PPFIA2: variants seen among roughly 807,000 people sequenced by gnomAD.
The protein encoded by PPFIA2 is liprin-alpha-2.
In PPFIA2, 46 loss-of-function variants were observed where a neutral mutation model predicts 175.5. That is an observed-to-expected ratio of 0.26 (90% CI 0.21 to 0.34). The LOEUF (loss-of-function observed/expected upper bound fraction) is 0.34. Ranked by LOEUF, PPFIA2 falls within the 10% of genes least tolerant of loss-of-function variation. The probability of loss-of-function intolerance (pLI) is 1.00; values close to 1 mark genes in which losing one functional copy is unlikely to be tolerated. For synonymous variants in PPFIA2, 568 were observed against 511.4 expected, an observed-to-expected ratio of 1.11 and a Z score of -1.49; for missense variants, 1,179 against 1,506.1, an observed-to-expected ratio of 0.78 and a Z score of 3.60.
At chr12:81,375,277 T>C (rs1021896141) in intron 10 of PPFIA2, among the ~76,000 whole-genome samples, 3 of 152,122 alleles carry the variant, frequency 2.0e-5, no homozygotes, top group Non-Finnish European at 4.4e-5. Context: ...AGACAATGAT[T>C]AAATGATTGG....
At chr12:81,550,037 A>G (rs1567287843) in intron 4 of PPFIA2, among the ~76,000 whole-genome samples, 1 of 152,052 alleles carries the variant, frequency 6.6e-6, no homozygotes, top group Non-Finnish European at 1.5e-5. Context: ...TAAATATCCT[A>G]TTACAAAAAC....
chr12:81,571,425 A>G (rs2153414111), intron 4 of PPFIA2, among the ~76,000 whole-genome samples: 1 of 152,226 alleles, frequency 6.6e-6, no homozygotes, highest in South Asian at 2.1e-4. Context: ...GCTACCAGCA[A>G]CGTAACCGAG....
intron 18 of PPFIA2, among the ~76,000 whole-genome samples, chr12:81,346,742 G>T (rs1225106701): frequency 6.6e-6 from 1 of 151,570 alleles, no homozygotes; most frequent in Non-Finnish European, 1.5e-5. Context: ...AATAATGCAA[G>T]AAATTTATGT....
intron 4 of PPFIA2, among the ~76,000 whole-genome samples, chr12:81,617,393 T>C (rs2061515566): frequency 6.6e-6 from 1 of 152,244 alleles, no homozygotes; most frequent in Non-Finnish European, 1.5e-5. Context: ...AGATCTTTTG[T>C]ATCCCTTTTA....
intron 22 of PPFIA2, among the ~76,000 whole-genome samples, chr12:81,306,727 A>C (rs188579815): frequency 6.6e-6 from 1 of 150,474 alleles, no homozygotes; most frequent in Non-Finnish European, 1.5e-5. Context: ...TTTTTAGTAG[A>C]GATGGGGTTT....
intron 19 of PPFIA2, among the ~76,000 whole-genome samples, chr12:81,344,224 C>T (rs2058652814): frequency 6.6e-6 from 1 of 152,066 alleles, no homozygotes; most frequent in Non-Finnish European, 1.5e-5. Context: ...CTCTTGGGAA[C>T]TGTGAGTAAC....
At chr12:81,503,275 C>T (rs992873786) in intron 4 of PPFIA2, among the ~76,000 whole-genome samples, 6 of 151,806 alleles carry the variant, frequency 4.0e-5, no homozygotes, top group Non-Finnish European at 5.9e-5. Flanking sequence ...TCCAAATAGT[C>T]CTTCACTATT....
At chr12:81,455,730 T>C (rs151264162) in intron 5 of PPFIA2, among the ~76,000 whole-genome samples, 17 of 152,334 alleles carry the variant, frequency 1.1e-4, no homozygotes, top group Admixed American at 1.1e-3. Context: ...TGTTAAGCAA[T>C]GTCCTCTCTA....
At chr12:81,465,782 A>G (rs561841200) in intron 4 of PPFIA2, among the ~76,000 whole-genome samples, 3 of 152,084 alleles carry the variant, frequency 2.0e-5, no homozygotes, top group East Asian at 1.9e-4. Context: ...AAGATAATAT[A>G]TTTCTCAAAT....
intron 8 of PPFIA2, among the ~76,000 whole-genome samples, chr12:81,397,044 T>C (rs2041259067): frequency 6.6e-6 from 1 of 152,096 alleles, no homozygotes; most frequent in African/African-American, 2.4e-5. Context: ...TAAGGGGGGA[T>C]ATCAAATACG....
chr12:81,538,794 A>G (rs2153329518), intron 4 of PPFIA2, among the ~76,000 whole-genome samples: 1 of 151,986 alleles, frequency 6.6e-6, no homozygotes, highest in East Asian at 1.9e-4. Flanking sequence ...AGTCGTGTCC[A>G]TGGGTCATTC....
At chr12:81,507,391 T>C (rs2061291649) in intron 4 of PPFIA2, among the ~76,000 whole-genome samples, 1 of 150,202 alleles carries the variant, frequency 6.7e-6, no homozygotes, top group Admixed American at 6.7e-5. Flanking sequence ...TGAAATTGTA[T>C]ATATACAACT....
At chr12:81,557,249 C>T (rs557063524) in intron 4 of PPFIA2, among the ~76,000 whole-genome samples, 9 of 151,272 alleles carry the variant, frequency 5.9e-5, no homozygotes, top group East Asian at 1.9e-4. Context: ...AGATATTATA[C>T]GTATGTATAG....
chr12:81,423,456 C>A (rs1179959077), intron 7 of PPFIA2, among the ~76,000 whole-genome samples: 3 of 152,086 alleles, frequency 2.0e-5, no homozygotes, highest in African/African-American at 7.2e-5. Context: ...ATACACAAAT[C>A]AATCAATATG....
intron 4 of PPFIA2, among the ~76,000 whole-genome samples, chr12:81,524,548 C>G (rs1023249726): frequency 6.6e-6 from 1 of 152,136 alleles, no homozygotes; most frequent in African/African-American, 2.4e-5. Flanking sequence ...ATTTTGGAAG[C>G]ACATAATTTG....
At chr12:81,481,913 C>A (rs991840042) in intron 4 of PPFIA2, among the ~76,000 whole-genome samples, 3 of 152,128 alleles carry the variant, frequency 2.0e-5, no homozygotes, top group African/African-American at 7.2e-5. Flanking sequence ...AACTAAAGAG[C>A]TTCTGCACAG....
chr12:81,446,863 A>AT (rs1294739595), intron 5 of PPFIA2, among the ~76,000 whole-genome samples: 1 of 152,140 alleles, frequency 6.6e-6, no homozygotes, highest in African/African-American at 2.4e-5. Context: ...TTAGTATCAT[A>AT]TTTTTTGGTT....
At chr12:81,759,193 C>T (rs941018768) in intron 1 of PPFIA2, 87 bp downstream of exon 1, 2 of 148,068 alleles carry the variant, frequency 1.4e-5, no homozygotes, top group African/African-American at 2.5e-5. Flanking sequence ...CGCCGCCCCC[C>T]CGCCGCCACA....
intron 31 of PPFIA2, among the ~76,000 whole-genome samples, chr12:81,262,332 G>C (rs1459748987): frequency 6.6e-6 from 1 of 152,162 alleles, no homozygotes; most frequent in Middle Eastern, 3.2e-3. Context: ...ATTGCTCTTA[G>C]AGAACTCATT....
Sources: gnomAD v4.1 joint callset for allele counts (sites outside exome capture counted in the v4.1 genomes callset) on GRCh38, gnomAD v4.1.1 for gene constraint, MANE v1.5 for transcripts, NCBI Gene and HGNC (gene_info 2026-07-23, HGNC 2026-07-21) for gene names.